Variants in LDB3 observed in about 807,000 individuals in gnomAD.
LDB3 encodes the protein LIM domain binding 3, also known as LIM domain-binding protein 3.
Under a neutral mutation model 69.0 loss-of-function variants are expected in LDB3, and 49 were observed. The observed-to-expected ratio is 0.71, with a 90% CI of 0.56 to 0.90. The LOEUF (loss-of-function observed/expected upper bound fraction) is 0.90. Ranked by LOEUF, LDB3 falls within the 40% of genes least tolerant of loss-of-function variation. The pLI is 0.00. For synonymous variants in LDB3, 387 were observed against 396.2 expected, an observed-to-expected ratio of 0.98 and a Z score of 0.28; for missense variants, 928 against 974.1, an observed-to-expected ratio of 0.95 and a Z score of 0.63.
intron 7 of LDB3, among the ~76,000 whole-genome samples, chr10:86,694,941 G>C (rs765080349): frequency 1.3e-5 from 2 of 152,172 alleles, no homozygotes; most frequent in Non-Finnish European, 2.9e-5. Flanking sequence ...TGTTGGCTGA[G>C]AGCAGCCACC....
chr10:86,728,058 A>C (rs1266877052), intron 13 of LDB3, among the ~76,000 whole-genome samples: 1 of 152,108 alleles, frequency 6.6e-6, no homozygotes, highest in Admixed American at 6.5e-5. Context: ...ACAATGGTGT[A>C]AGTATACTGG....
intron 3 of LDB3, among the ~76,000 whole-genome samples, chr10:86,679,877 G>T (rs1164507360): frequency 1.3e-5 from 2 of 152,210 alleles, no homozygotes; most frequent in Admixed American, 1.3e-4. Context: ...CAGGGGCCAT[G>T]ATTTCTCCAT....
At chr10:86,720,586 A>T (rs1466373794) in intron 12 of LDB3, among the ~76,000 whole-genome samples, 1 of 152,216 alleles carries the variant, frequency 6.6e-6, no homozygotes, top group Non-Finnish European at 1.5e-5. Flanking sequence ...GGGAGAAGAT[A>T]ATACCAGACC....
In LDB3 at chr10:86,734,295, C is replaced by CTAGTGA. The variant is rs1847560708; in HGVS notation, c.*1324_*1329dup. 1 of 152,146 alleles carries CTAGTGA rather than the reference C, an allele frequency of 6.6e-6. No homozygotes were observed. The highest frequency in any genetic ancestry group is 1.5e-5 in the Non-Finnish European group (1 of 68,020). 9.4% of individuals were successfully genotyped at this position (152,146 alleles called of 1,614,324 possible). On this transcript the variant is annotated 3_prime_UTR_variant, in exon 14 of 14. Transcript: ENST00000361373. The stretch of plus-strand genomic sequence containing the variant: ...AGAGGGGCCTTCAAACTACTTTATA[C>CTAGTGA]TAGTGATAGTTTGAGTTAGGTAAGC...
chr10:86,711,846 T>G lies in LDB3; in HGVS notation c.1231+1796T>G, dbSNP rs562648979. Reference sequence around the variant, plus strand: ...GCGGGCCGGGCGGCGGCCAGGCGCTTGCGGAGAGCCGGGCCCGGCCCGGCG... The same window carrying G: ...GCGGGCCGGGCGGCGGCCAGGCGCTGGCGGAGAGCCGGGCCCGGCCCGGCG... On this transcript the variant is annotated intron_variant, in intron 9 of 13. Transcript: ENST00000361373. 1.2e-4 allele frequency among the ~76,000 whole-genome samples: 18 copies of G among 149,890 alleles called. 1 individual carries two copies. The East Asian group carries it at 3.6e-3, about 30-fold the overall frequency.
rs750671538 is a variant in LDB3, at chr10:86,680,074, T to A, written c.246-8T>A. Reference sequence around the variant, plus strand: ...TTCCTCACCTGGTCTCATTTCTGGTTTCTACAGATCAAAGCGTCCCATTCC... The same window carrying A: ...TTCCTCACCTGGTCTCATTTCTGGTATCTACAGATCAAAGCGTCCCATTCC... On this transcript the variant is annotated splice_region_variant and splice_polypyrimidine_tract_variant and intron_variant, in intron 3 of 13. Transcript: ENST00000361373. 20 of 1,613,660 alleles carry A rather than the reference T, an allele frequency of 1.2e-5. No homozygotes were observed. The highest frequency in any genetic ancestry group is 1.7e-5 in the Non-Finnish European group (20 of 1,179,668).
At chr10:86,682,915 T>TG (rs1164853113) in intron 5 of LDB3, among the ~76,000 whole-genome samples, 1 of 152,146 alleles carries the variant, frequency 6.6e-6, no homozygotes, top group African/African-American at 2.4e-5. Context: ...ATCAGGTCAC[T>TG]GCTCCCTGTG....
chr10:86,670,173 G>A (rs1589601748), intron 2 of LDB3, among the ~76,000 whole-genome samples: 1 of 152,276 alleles, frequency 6.6e-6, no homozygotes, highest in East Asian at 1.9e-4. Context: ...AACAGGCCCT[G>A]ACCTCCATCC....
chr10:86,692,567 T>C lies in LDB3; in HGVS notation c.892T>C (p.Ser298Pro), dbSNP rs953198544. The C allele has an allele frequency of 6.2e-7, 1 of 1,614,144 alleles. No homozygotes were observed. Among genetic ancestry groups the C allele is most frequent in the Non-Finnish European group, 8.5e-7 (1 of 1,179,976 alleles). The part of the protein sequence containing the change: ...QDPDEEALRR[S>P]STPIEHAPVC... ...CCCTGATGAAGAAGCTCTGCGAAGG[T>C]CAAGGTAAGTGCCTGGACTCAGGCT... is the stretch of plus-strand genomic sequence containing the variant. The change falls in exon 7 of 14, where the codon TCA (serine) becomes CCA (proline). Residue 298 changes from serine (S) to proline (P), a missense_variant. Ser to Pro is a moderately conservative substitution (Grantham distance 74). Coordinates refer to ENST00000361373, the MANE Select transcript of LDB3 (RefSeq NM_007078.3).
intron 7 of LDB3, among the ~76,000 whole-genome samples, chr10:86,693,236 G>A (rs984224572): frequency 6.6e-6 from 1 of 152,202 alleles, no homozygotes; most frequent in Non-Finnish European, 1.5e-5. Context: ...GTGGGCATGG[G>A]GGGGGGCATG....
intron 5 of LDB3, among the ~76,000 whole-genome samples, chr10:86,690,933 C>T (rs570470595): frequency 3.3e-5 from 5 of 152,286 alleles, no homozygotes; most frequent in South Asian, 4.1e-4. Context: ...AGCATCTGTA[C>T]GAGGAGAGGG....
intron 2 of LDB3, among the ~76,000 whole-genome samples, chr10:86,675,548 G>C (rs1236531375): frequency 6.6e-6 from 1 of 152,254 alleles, no homozygotes; most frequent in Non-Finnish European, 1.5e-5. Context: ...ATGGGCATTT[G>C]GGGGTGCCCT....
At chr10:86,722,558 C>CCAATTCAAGCCA (rs1211407143) in intron 12 of LDB3, among the ~76,000 whole-genome samples, 3 of 109,498 alleles carry the variant, frequency 2.7e-5, no homozygotes, top group Non-Finnish European at 5.8e-5. Flanking sequence ...CCGTGCCTGG[C>CCAATTCAAGCCA]CTTTTTTTTT....
chr10:86,670,092 G>A (rs970125147), intron 2 of LDB3, among the ~76,000 whole-genome samples: 1 of 152,156 alleles, frequency 6.6e-6, no homozygotes, highest in Non-Finnish European at 1.5e-5. Context: ...CAGGGATGCC[G>A]TGAGAGCCTT....
chr10:86,673,586 G>A (rs901209711), intron 2 of LDB3, among the ~76,000 whole-genome samples: 2 of 152,134 alleles, frequency 1.3e-5, no homozygotes, highest in African/African-American at 2.4e-5. Context: ...TCCAGTGAGA[G>A]GGTGAGCATG....
Position 86,668,560 on chromosome 10 carries a change from G to A in LDB3, c.-34G>A, listed in dbSNP as rs1171897448. 12 of 776,490 alleles carry A rather than the reference G, an allele frequency of 1.5e-5. No homozygotes were observed. The highest frequency in any genetic ancestry group is 1.3e-4 in the South Asian group (9 of 71,834). 48.1% of individuals were successfully genotyped at this position (776,490 alleles called of 1,614,324 possible). On this transcript the variant is annotated 5_prime_UTR_variant, in exon 1 of 14. Coordinates refer to ENST00000361373, the MANE Select transcript of LDB3 (RefSeq NM_007078.3). ...CCACGCAGCCCGGCTGGGCAGCAAG[G>A]GACAGAACAGGCAAGGCTGGGGGTC...
intron 5 of LDB3, among the ~76,000 whole-genome samples, chr10:86,684,811 G>A (rs1332097099): frequency 6.6e-6 from 1 of 152,224 alleles, no homozygotes; most frequent in Admixed American, 6.5e-5. Context: ...CTCCCTCACA[G>A]GCCCCCGACA....
At chr10:86,700,815 T>C (rs1401729590) in intron 7 of LDB3, among the ~76,000 whole-genome samples, 1 of 152,248 alleles carries the variant, frequency 6.6e-6, no homozygotes, top group Non-Finnish European at 1.5e-5. Context: ...TACCCCATGA[T>C]GGCAAAGCTT....
chr10:86,733,132 A>C lies in LDB3; in HGVS notation c.*156A>C. The C allele has an allele frequency of 1.5e-6, 1 of 652,194 alleles. No individual in the cohort carries two copies. The highest frequency in any genetic ancestry group is 2.8e-6 in the Non-Finnish European group (1 of 363,554). The allele number at this position is 652,194 out of a possible 1,614,324, so 40.4% of individuals were successfully genotyped here. A position where few individuals can be genotyped will look rare whatever the true frequency, so the allele number is the denominator to read the frequency against. On this transcript the variant is annotated 3_prime_UTR_variant, in exon 14 of 14. Coordinates refer to ENST00000361373, the MANE Select transcript of LDB3 (RefSeq NM_007078.3). ...TAATTTTAGGTTTTTTCTTCTGTACACAGATCGTGCATTTGCATAGTTCAG... is the reference window on the plus strand; with the variant it reads ...TAATTTTAGGTTTTTTCTTCTGTACCCAGATCGTGCATTTGCATAGTTCAG...
Sources: gnomAD v4.1 joint callset for allele counts (sites outside exome capture counted in the v4.1 genomes callset) on GRCh38, gnomAD v4.1.1 for gene constraint, MANE v1.5 for transcripts, NCBI Gene and HGNC (gene_info 2026-07-23, HGNC 2026-07-21) for gene names.